MAML3: variants seen among roughly 807,000 people sequenced by gnomAD.
MAML3 encodes the protein mastermind-like protein 3.
A neutral mutation model predicts 101.9 loss-of-function variants in MAML3; 27 were observed. The ratio of observed to expected loss-of-function variants is 0.27; its 90% CI spans 0.20 to 0.37. MAML3 has a LOEUF of 0.37. Ranked by LOEUF, MAML3 falls within the 10% of genes least tolerant of loss-of-function variation. The probability of loss-of-function intolerance (pLI) is 1.00; values close to 1 mark genes in which losing one functional copy is unlikely to be tolerated. For synonymous variants in MAML3, 501 were observed against 555.9 expected, an observed-to-expected ratio of 0.90 and a Z score of 1.39; for missense variants, 1,316 against 1,444.9, an observed-to-expected ratio of 0.91 and a Z score of 1.45.
chr4:139,950,464 C>G (rs1220529206), intron 1 of MAML3, among the ~76,000 whole-genome samples: 1 of 152,204 alleles, frequency 6.6e-6, no homozygotes, highest in East Asian at 1.9e-4. Flanking sequence ...TCTATTTGTT[C>G]TGTCTCTAGA....
chr4:139,917,636 G>A (rs1182364767), intron 1 of MAML3, among the ~76,000 whole-genome samples: 1 of 152,194 alleles, frequency 6.6e-6, no homozygotes, highest in Non-Finnish European at 1.5e-5. Context: ...AAGTAATGGG[G>A]AGAAAGAATT....
At chr4:140,106,670 G>T (rs1014747470) in intron 1 of MAML3, among the ~76,000 whole-genome samples, 2 of 152,180 alleles carry the variant, frequency 1.3e-5, no homozygotes, top group Non-Finnish European at 2.9e-5. Flanking sequence ...ACTTTTAATG[G>T]CTTTAATGTT....
At chr4:139,863,620 A>G (rs1731827518) in intron 2 of MAML3, among the ~76,000 whole-genome samples, 4 of 152,184 alleles carry the variant, frequency 2.6e-5, no homozygotes, top group African/African-American at 7.2e-5. Flanking sequence ...TACAGGTGTG[A>G]GCCACCGTGC....
intron 2 of MAML3, among the ~76,000 whole-genome samples, chr4:139,833,222 G>A (rs1012976278): frequency 9.2e-5 from 14 of 151,986 alleles, no homozygotes; most frequent in Admixed American, 2.6e-4. Flanking sequence ...CCTCTGGCCC[G>A]GGAACCCAGA....
At chr4:139,977,524 C>T (rs1734363854) in intron 1 of MAML3, among the ~76,000 whole-genome samples, 1 of 152,078 alleles carries the variant, frequency 6.6e-6, no homozygotes, top group African/African-American at 2.4e-5. Flanking sequence ...AACATTCTGC[C>T]CTTACTGGTA....
intron 1 of MAML3, among the ~76,000 whole-genome samples, chr4:139,975,194 C>A (rs1734305676): frequency 1.3e-5 from 2 of 152,124 alleles, no homozygotes; most frequent in Non-Finnish European, 1.5e-5. Context: ...CCCCTATCAA[C>A]TGTCGCCTTA....
At chr4:140,036,040 G>C (rs1726982198) in intron 1 of MAML3, among the ~76,000 whole-genome samples, 1 of 152,214 alleles carries the variant, frequency 6.6e-6, no homozygotes, top group South Asian at 2.1e-4. Context: ...ATACAGGAAA[G>C]TAAGGATTAG....
chr4:139,982,513 G>A (rs1233956355), intron 1 of MAML3, among the ~76,000 whole-genome samples: 1 of 152,002 alleles, frequency 6.6e-6, no homozygotes, highest in Non-Finnish European at 1.5e-5. Flanking sequence ...TCATTTCTAG[G>A]CCCTTTCAAT....
At chr4:140,027,174 G>A (rs1457205096) in intron 1 of MAML3, among the ~76,000 whole-genome samples, 5 of 152,008 alleles carry the variant, frequency 3.3e-5, no homozygotes, top group Admixed American at 2.6e-4. Context: ...AAATATCCCC[G>A]TCTTGTTGCT....
intron 2 of MAML3, among the ~76,000 whole-genome samples, chr4:139,869,980 T>C (rs868008110): frequency 2.0e-5 from 3 of 152,264 alleles, no homozygotes; most frequent in Non-Finnish European, 4.4e-5. Context: ...CTTTGGTTCC[T>C]AGTTCTAGTG....
At chr4:140,067,874 T>C (rs1727567789) in intron 1 of MAML3, among the ~76,000 whole-genome samples, 3 of 151,998 alleles carry the variant, frequency 2.0e-5, no homozygotes, top group African/African-American at 7.2e-5. Flanking sequence ...GCTGGGATTA[T>C]AGGCATATGC....
At chr4:139,857,363 C>T (rs2111161646) in intron 2 of MAML3, among the ~76,000 whole-genome samples, 1 of 152,226 alleles carries the variant, frequency 6.6e-6, no homozygotes, top group Non-Finnish European at 1.5e-5. Context: ...AGGTCCCCCA[C>T]CCCACCCCCT....
At chr4:140,096,064 T>A (rs1728156509) in intron 1 of MAML3, among the ~76,000 whole-genome samples, 1 of 152,234 alleles carries the variant, frequency 6.6e-6, no homozygotes, top group Admixed American at 6.5e-5. Flanking sequence ...TACTAGCTGA[T>A]GCTCTCTATT....
chr4:139,739,494 C>T (rs567944034), intron 2 of MAML3, among the ~76,000 whole-genome samples: 1 of 152,264 alleles, frequency 6.6e-6, no homozygotes, highest in East Asian at 1.9e-4. Flanking sequence ...AATTCCACCA[C>T]CAAAGCAATT....
At chr4:139,819,093 A>G (rs1730934488) in intron 2 of MAML3, among the ~76,000 whole-genome samples, 1 of 152,226 alleles carries the variant, frequency 6.6e-6, no homozygotes, top group South Asian at 2.1e-4. Context: ...TAAAATAAGC[A>G]TGAAATGAAG....
chr4:140,105,863 T>C (rs1728342040), intron 1 of MAML3, among the ~76,000 whole-genome samples: 1 of 151,958 alleles, frequency 6.6e-6, no homozygotes, highest in South Asian at 2.1e-4. Context: ...ATGAAATAAC[T>C]AGGAGAAAAC....
intron 2 of MAML3, among the ~76,000 whole-genome samples, chr4:139,738,860 A>G (rs887898343): frequency 3.9e-5 from 6 of 152,332 alleles, no homozygotes; most frequent in Admixed American, 1.3e-4. Flanking sequence ...ATGCAATAAC[A>G]TATTTTTATG....
chr4:140,093,989 C>A lies in MAML3; in HGVS notation c.468+58871G>T, dbSNP rs868134827. On this transcript the variant is annotated intron_variant, in intron 1 of 4. Coordinates refer to ENST00000509479, the MANE Select transcript of MAML3 (RefSeq NM_018717.5). Reference sequence around the variant, plus strand: ...CCAGTAACCACAGCAGGAGGGCCAGCAGCTGAGGCTGAGCCAGAAGAGACC... The same window carrying A: ...CCAGTAACCACAGCAGGAGGGCCAGAAGCTGAGGCTGAGCCAGAAGAGACC... Among the ~76,000 whole-genome samples the A allele has an allele frequency of 5.9e-5, 9 of 152,356 alleles. No individual in the cohort carries two copies. The South Asian group carries it at 6.2e-4, about 11-fold the overall frequency.
chr4:139,919,417 A>T (rs938985507), intron 1 of MAML3, among the ~76,000 whole-genome samples: 2 of 152,242 alleles, frequency 1.3e-5, no homozygotes, highest in Admixed American at 1.3e-4. Flanking sequence ...CTGCTGAATC[A>T]CTATCCTTCT....
Sources: gnomAD v4.1 joint callset for allele counts (sites outside exome capture counted in the v4.1 genomes callset) on GRCh38, gnomAD v4.1.1 for gene constraint, MANE v1.5 for transcripts, NCBI Gene and HGNC (gene_info 2026-07-23, HGNC 2026-07-21) for gene names.